L3MBTL1: variants seen among roughly 807,000 people sequenced by gnomAD.
L3MBTL1 encodes L3MBTL histone methyl-lysine binding protein 1.
Under a neutral mutation model 105.3 loss-of-function variants are expected in L3MBTL1, and 75 were observed. That is an observed-to-expected ratio of 0.71 (90% CI 0.59 to 0.86). The LOEUF is 0.86. L3MBTL1 is among the 40% of genes least tolerant of loss of function. L3MBTL1 has a pLI of 0.00. For missense variants in L3MBTL1, 1,069 were observed against 1,126.4 expected (o/e 0.95, Z 0.73); for synonymous variants, 452 against 436.2 (o/e 1.04, Z -0.45).
At position 43,515,425 on chromosome 20, in the gene L3MBTL1, G is replaced by A; in HGVS notation, c.777+10G>A. The A allele has an allele frequency of 6.4e-7, 1 of 1,553,058 alleles. No homozygotes were observed. Among genetic ancestry groups the A allele is most frequent in the Non-Finnish European group, 8.7e-7 (1 of 1,146,986 alleles). Reference sequence around the variant, plus strand: ...GGAGCCAGAGGCCATGGTAGGAAGAGGGCAGTGGGGAAGGGAGGGGGAAGC... The same window carrying A: ...GGAGCCAGAGGCCATGGTAGGAAGAAGGCAGTGGGGAAGGGAGGGGGAAGC... On this transcript the variant is annotated intron_variant, in intron 6 of 21. Coordinates refer to ENST00000418998, the MANE Select transcript of L3MBTL1 (RefSeq NM_001377303.1).
chr20:43,522,506 C>A (rs1157151260), intron 7 of L3MBTL1, among the ~76,000 whole-genome samples: 1 of 101,486 alleles, frequency 9.9e-6, no homozygotes, highest in Non-Finnish European at 1.8e-5. Context: ...GGATCTGGCT[C>A]TATCACCCAG....
At chr20:43,528,272 C>T (rs2019136636) in intron 7 of L3MBTL1, among the ~76,000 whole-genome samples, 2 of 152,170 alleles carry the variant, frequency 1.3e-5, no homozygotes, top group Admixed American at 6.6e-5. Context: ...CCTCTCCTTT[C>T]CTTGTGAGTT....
chr20:43,515,182 C>T lies in L3MBTL1; in HGVS notation c.653+23C>T, dbSNP rs201779402. The T allele has an allele frequency of 1.4e-4, 228 of 1,614,008 alleles. 1 individual carries two copies. Among genetic ancestry groups the T allele is most frequent in the Non-Finnish European group, 1.5e-4 (179 of 1,179,998 alleles). ...GCGGTAAGGGGAGGAGGTCGCAGCC[C>T]TACTTGCTCTACCTTCAGCCCCCAA... On this transcript the variant is annotated intron_variant, in intron 5 of 21. Transcript: ENST00000418998.
intron 8 of L3MBTL1, 87 bp from the exon 9 acceptor site, chr20:43,529,177 C>A: frequency 1.1e-6 from 1 of 946,842 alleles, no homozygotes; most frequent in Non-Finnish European, 1.7e-6. Flanking sequence ...GCGGGTGGGG[C>A]CTAAAGGCAG....
chr20:43,522,456 A>ATTTTTTTTTTTTTTTTTT lies in L3MBTL1; in HGVS notation c.863-6201_863-6200insTTTTTTTTTTTTTTTTTT, dbSNP rs778355165. On this transcript the variant is annotated intron_variant, in intron 7 of 21. Coordinates refer to ENST00000418998, the MANE Select transcript of L3MBTL1 (RefSeq NM_001377303.1). Reference sequence around the variant, plus strand: ...ATGGTAACTGAATTTTTCCCTGCTAAGTTTTTTTTTTTTTTTTTTTTTTTT... The same window carrying ATTTTTTTTTTTTTTTTTT: ...ATGGTAACTGAATTTTTCCCTGCTAATTTTTTTTTTTTTTTTTTGTTTTTTTTTTTTTTTTTTTTTTTT... Among the ~76,000 whole-genome samples the ATTTTTTTTTTTTTTTTTT allele has an allele frequency of 1.9e-4, 17 of 89,944 alleles. 3 individuals are homozygous for ATTTTTTTTTTTTTTTTTT. The highest frequency in any genetic ancestry group is 4.2e-4 in the South Asian group (1 of 2,362). 59.0% of individuals were successfully genotyped at this position (89,944 alleles called of 152,430 possible).
chr20:43,514,986 T>A, intron 4 of L3MBTL1, 23 bp from the exon 5 acceptor site: 1 of 1,610,026 alleles, frequency 6.2e-7, no homozygotes, highest in Non-Finnish European at 8.5e-7. Context: ...GAGGGAGGCC[T>A]GAGGCCCATT....
intron 7 of L3MBTL1, among the ~76,000 whole-genome samples, chr20:43,517,075 G>A (rs1352888422): frequency 4.6e-5 from 7 of 151,474 alleles, no homozygotes; most frequent in Non-Finnish European, 1.0e-4. Flanking sequence ...GGGATTACAG[G>A]TGTGAGGTAC....
In L3MBTL1 at chr20:43,514,027, A is replaced by C; in HGVS notation, c.326A>C (p.Glu109Ala). ...TSTVRLLEWT[E>A]AAAPPPGGGL... The stretch of plus-strand genomic sequence containing the variant: ...ACAGTGCGGCTTCTGGAATGGACAG[A>C]GGCCGCGGCCCCGCCCCCAGGGGGC... Residue 109 changes from glutamate (E) to alanine (A), a missense_variant, in exon 3 of 22, where the codon GAG becomes GCG. Glu to Ala is a moderately radical substitution (Grantham distance 107). Coordinates refer to ENST00000418998, the MANE Select transcript of L3MBTL1 (RefSeq NM_001377303.1). The C allele has an allele frequency of 2.6e-6, 4 of 1,537,546 alleles. No homozygotes were observed. Among genetic ancestry groups the C allele is most frequent in the Non-Finnish European group, 2.6e-6 (3 of 1,146,654 alleles).
At chr20:43,542,592 T>A, downstream of L3MBTL1, among the ~76,000 whole-genome samples, 1 of 125,946 alleles carries the variant, frequency 7.9e-6, no homozygotes, top group Admixed American at 9.1e-5. Flanking sequence ...TCGTGTTAAG[T>A]CATACAAAAA....
intron 1 of L3MBTL1, among the ~76,000 whole-genome samples, chr20:43,508,294 GC>G (rs2145359610): frequency 6.6e-6 from 1 of 151,568 alleles, no homozygotes; most frequent in African/African-American, 2.4e-5. Flanking sequence ...ATCAGTGACC[GC>G]CCCGCCCGCC....
In L3MBTL1 at chr20:43,527,527, A is replaced by G. The variant is rs557363876; in HGVS notation, c.863-1130A>G. Among the ~76,000 whole-genome samples the G allele has an allele frequency of 1.1e-4, 16 of 146,468 alleles. 1 individual carries two copies. In the East Asian group the frequency reaches 3.0e-3, roughly 27 times the overall value. ...GAGGCATGGACAGGACCTGGGCTGTAGGTCCTGACCATAGTGTATGTGTGT... is the reference window on the plus strand; with the variant it reads ...GAGGCATGGACAGGACCTGGGCTGTGGGTCCTGACCATAGTGTATGTGTGT... On this transcript the variant is annotated intron_variant, in intron 7 of 21. Transcript: ENST00000418998.
intron 18 of L3MBTL1, among the ~76,000 whole-genome samples, chr20:43,547,823 G>C (rs1978720463): frequency 6.6e-6 from 1 of 152,226 alleles, no homozygotes; most frequent in South Asian, 2.1e-4. Context: ...CCTCAGACCA[G>C]TCAGCAGAAA....
In L3MBTL1 at chr20:43,529,386, AC is replaced by A; in HGVS notation, c.1056+20del. The A allele has an allele frequency of 6.4e-7, 1 of 1,553,610 alleles. No homozygotes were observed. Among genetic ancestry groups the A allele is most frequent in the Non-Finnish European group, 8.9e-7 (1 of 1,129,548 alleles). ...TGGCTGAGGTGAGCTGGGGCTTGGT[AC>A]CACCTTTCTGATGATGTCTCTCAGT... On this transcript the variant is annotated intron_variant, in intron 9 of 21. Transcript: ENST00000418998.
chr20:43,525,509 T>C (rs1286089308), intron 7 of L3MBTL1, among the ~76,000 whole-genome samples: 1 of 152,200 alleles, frequency 6.6e-6, no homozygotes, highest in Non-Finnish European at 1.5e-5. Flanking sequence ...TTTAGCCCCA[T>C]TCACACCCTT....
chr20:43,519,605 C>T (rs1052136225), intron 7 of L3MBTL1, among the ~76,000 whole-genome samples: 1 of 152,170 alleles, frequency 6.6e-6, no homozygotes, highest in African/African-American at 2.4e-5. Context: ...CATTGCACTC[C>T]AGCCTAGGCA....
chr20:43,509,001 G>C (rs2018061902), intron 1 of L3MBTL1, among the ~76,000 whole-genome samples: 1 of 152,186 alleles, frequency 6.6e-6, no homozygotes, highest in African/African-American at 2.4e-5. Context: ...GCTGACGGCA[G>C]AAGGCTGAAA....
At chr20:43,513,037 C>G (rs572259551) in intron 1 of L3MBTL1, among the ~76,000 whole-genome samples, 31 of 152,148 alleles carry the variant, frequency 2.0e-4, no homozygotes, top group Non-Finnish European at 3.8e-4. Context: ...AAACCTGGTA[C>G]TTGAGGTCTC....
intron 3 of L3MBTL1, 148 bp from the exon 4 acceptor site, chr20:43,514,487 G>A (rs139826927): frequency 2.0e-6 from 3 of 1,534,186 alleles, no homozygotes; most frequent in East Asian, 2.5e-5. Context: ...GGCTGGTGTA[G>A]CTTGGAGTGA....
At chr20:43,522,969 A>G (rs1262418521) in intron 7 of L3MBTL1, among the ~76,000 whole-genome samples, 1 of 151,244 alleles carries the variant, frequency 6.6e-6, no homozygotes, top group Admixed American at 6.6e-5. Context: ...TTAGCTGGGC[A>G]TGGTGGTGCA....
Sources: gnomAD v4.1 joint callset for allele counts (sites outside exome capture counted in the v4.1 genomes callset) on GRCh38, gnomAD v4.1.1 for gene constraint, MANE v1.5 for transcripts, NCBI Gene and HGNC (gene_info 2026-07-23, HGNC 2026-07-21) for gene names.